TJP1: variants seen among roughly 807,000 people sequenced by gnomAD.
TJP1 encodes tight junction protein 1, also known as tight junction protein ZO-1.
Under a neutral mutation model 194.2 loss-of-function variants are expected in TJP1, and 43 were observed. The observed-to-expected ratio is 0.22, with a 90% CI of 0.17 to 0.29. The LOEUF (loss-of-function observed/expected upper bound fraction) is 0.29, where lower values mean the gene tolerates loss of function less well. TJP1 is among the 10% of genes least tolerant of loss of function. The pLI, the probability that TJP1 is intolerant of heterozygous loss-of-function variation, is 1.00. For synonymous variants in TJP1, 801 were observed against 779.0 expected, an observed-to-expected ratio of 1.03 and a Z score of -0.47; for missense variants, 1,971 against 2,185.7, an observed-to-expected ratio of 0.90 and a Z score of 1.96.
chr15:29,743,985 C>T (rs772986007), intron 8 of TJP1, among the ~76,000 whole-genome samples: 1 of 152,092 alleles, frequency 6.6e-6, no homozygotes, highest in Non-Finnish European at 1.5e-5. Context: ...TCAAGACCAT[C>T]CTGGCCAGTA....
intron 2 of TJP1, among the ~76,000 whole-genome samples, chr15:29,890,536 C>A (rs2053269195): frequency 6.6e-6 from 1 of 152,000 alleles, no homozygotes; most frequent in African/African-American, 2.4e-5. Context: ...GAAATGGAAG[C>A]CAGAGGAATG....
At chr15:29,817,028 G>A (rs1057145855) in intron 1 of TJP1, among the ~76,000 whole-genome samples, 1 of 152,178 alleles carries the variant, frequency 6.6e-6, no homozygotes, top group Non-Finnish European at 1.5e-5. Context: ...GCAACCTACA[G>A]AATGGGAGAA....
chr15:29,732,592 G>A (rs368093263), intron 14 of TJP1, 39 bp downstream of exon 14: 1,822 of 1,612,524 alleles, frequency 1.1e-3, no homozygotes, highest in Non-Finnish European at 1.4e-3. Context: ...ACATATTGAC[G>A]TTAAAGGGTA....
At chr15:29,706,081 G>A (rs1231782967) in intron 25 of TJP1, among the ~76,000 whole-genome samples, 1 of 152,072 alleles carries the variant, frequency 6.6e-6, no homozygotes, top group Non-Finnish European at 1.5e-5. Context: ...ACAGGCGCAC[G>A]CCACCAAGCC....
chr15:29,715,731 C>A (rs2042523585), intron 23 of TJP1, among the ~76,000 whole-genome samples: 1 of 152,106 alleles, frequency 6.6e-6, no homozygotes, highest in Non-Finnish European at 1.5e-5. Context: ...TCAGCAGAGC[C>A]CTCTGAATGA....
At chr15:29,768,413 T>C (rs547497564) in intron 4 of TJP1, among the ~76,000 whole-genome samples, 1 of 152,334 alleles carries the variant, frequency 6.6e-6, no homozygotes, top group South Asian at 2.1e-4. Flanking sequence ...CATATTATAT[T>C]GGAAGCAATA....
chr15:29,760,535 C>T (rs2045934931), intron 8 of TJP1, among the ~76,000 whole-genome samples: 1 of 152,076 alleles, frequency 6.6e-6, no homozygotes, highest in South Asian at 2.1e-4. Context: ...GCCAACACTA[C>T]CTGGCTAATT....
rs34201715 is a variant in TJP1, at chr15:29,791,413, C to CTT, written c.84+9231_84+9232dup. Among the ~76,000 whole-genome samples, 262 of 51,188 alleles carry CTT rather than the reference C, an allele frequency of 5.1e-3. 1 individual carries two copies. Among genetic ancestry groups the CTT allele is most frequent in the East Asian group, 7.2e-3 (12 of 1,678 alleles). 33.6% of individuals were successfully genotyped at this position (51,188 alleles called of 152,430 possible). ...GTTTTTGAGGAGCCTCCATAATATT[C>CTT]TTTTTTTTTTTTTTTTTTTTTTTTT... On this transcript the variant is annotated intron_variant, in intron 2 of 27. Transcript: ENST00000614355.
intron 26 of TJP1, among the ~76,000 whole-genome samples, chr15:29,704,569 G>A (rs1282933757): frequency 6.6e-6 from 1 of 152,180 alleles, no homozygotes; most frequent in African/African-American, 2.4e-5. Context: ...CGAAAACACT[G>A]TTATTTCAAC....
chr15:29,738,865 T>TA (rs71103406), intron 10 of TJP1, among the ~76,000 whole-genome samples: 5,867 of 48,850 alleles, frequency 0.12, 1,022 homozygotes, highest in South Asian at 0.23. Context: ...CTGTCACTAC[T>TA]AAAAAAAAAA....
chr15:29,936,479 A>G (rs561320607), intron 2 of TJP1, among the ~76,000 whole-genome samples: 93 of 152,194 alleles, frequency 6.1e-4, no homozygotes, highest in African/African-American at 2.0e-3. Context: ...CATCCTGACC[A>G]AGCCTTTGGG....
In TJP1 at chr15:29,718,434, A is replaced by T. The variant is rs961265053; in HGVS notation, c.3708T>A (p.Ala1236=). The T allele has an allele frequency of 6.8e-6, 11 of 1,614,042 alleles. No homozygotes were observed. The highest frequency in any genetic ancestry group is 9.3e-6 in the Non-Finnish European group (11 of 1,180,054). Residue 1236 remains alanine, a synonymous_variant, in exon 21 of 28, where the codon GCT becomes GCA. Transcript: ENST00000614355. ...GCAGTGGTTTGGTGTTTGAAGGCAG[A>T]GCTTCTGGCTTATGCTGAGATGAAG... ...LIPSSQHKPE[A]LPSNTKPLPP...
chr15:29,848,874 GA>G (rs2051523232), intron 2 of TJP1, among the ~76,000 whole-genome samples: 1 of 151,300 alleles, frequency 6.6e-6, no homozygotes, highest in South Asian at 2.1e-4. Context: ...AAAAAAAAAA[GA>G]AACTATTATC....
chr15:29,757,834 G>A (rs2045743847), intron 8 of TJP1, among the ~76,000 whole-genome samples: 1 of 152,198 alleles, frequency 6.6e-6, no homozygotes, highest in African/African-American at 2.4e-5. Flanking sequence ...GACCCTTGAA[G>A]AGCATGAGAT....
intron 1 of TJP1, among the ~76,000 whole-genome samples, chr15:29,818,636 G>T (rs891376852): frequency 2.0e-5 from 3 of 151,418 alleles, no homozygotes; most frequent in Non-Finnish European, 2.9e-5. Flanking sequence ...TTCCCATTAG[G>T]GGGGATTACA....
rs537069108 is a variant in TJP1, at chr15:29,723,322, C to T, written c.2413-2614G>A. ...GCGGTTTCTAATGGTTTAGCACCAT[C>T]CCCCTAATACTATTTTGTGATAAGA... On this transcript the variant is annotated intron_variant, in intron 18 of 27. Coordinates refer to ENST00000614355, the MANE Select transcript of TJP1 (RefSeq NM_001330239.4). Among the ~76,000 whole-genome samples, 7 of 152,212 alleles carry T rather than the reference C, an allele frequency of 4.6e-5. No homozygotes were observed. In the South Asian group the frequency reaches 6.2e-4, roughly 14 times the overall value.
chr15:29,710,239 AT>A (rs764595571), intron 24 of TJP1, among the ~76,000 whole-genome samples: 14 of 152,306 alleles, frequency 9.2e-5, no homozygotes, highest in Non-Finnish European at 1.0e-4. Context: ...GTGAAAAAAA[AT>A]CTTAATAAAA....
chr15:29,732,054 T>C (rs1038036606), intron 15 of TJP1: 11 of 189,400 alleles, frequency 5.8e-5, no homozygotes, highest in Non-Finnish European at 1.1e-4. Flanking sequence ...ACTTGTTCAC[T>C]GAGGGCCACC....
chr15:29,756,962 T>C (rs1339280611), intron 8 of TJP1, among the ~76,000 whole-genome samples: 1 of 152,184 alleles, frequency 6.6e-6, no homozygotes, highest in African/African-American at 2.4e-5. Context: ...ATACTATTAT[T>C]ACTACTATGA....
Sources: allele counts gnomAD v4.1 joint callset (sites outside exome capture counted in the v4.1 genomes callset), GRCh38; gene constraint gnomAD v4.1.1; transcripts MANE v1.5; gene names NCBI Gene and HGNC (gene_info 2026-07-23, HGNC 2026-07-21).